Variants in A2ML1 observed in about 807,000 individuals in gnomAD.
The protein encoded by A2ML1 is alpha-2-macroglobulin-like protein 1.
In A2ML1, 161 loss-of-function variants were observed where a neutral mutation model predicts 181.9. The observed-to-expected ratio is 0.89, with a 90% confidence interval of 0.78 to 1.01. A2ML1 has a LOEUF of 1.01. Among genes scored for constraint, A2ML1 ranks in the 50% least tolerant of loss-of-function variants. The probability of loss-of-function intolerance (pLI) is 0.00; values close to 1 mark genes in which losing one functional copy is unlikely to be tolerated. For missense variants in A2ML1, 1,670 were observed against 1,768.1 expected, an observed-to-expected ratio of 0.94 and a Z score of 1.00; for synonymous variants, 663 against 666.8, an observed-to-expected ratio of 0.99 and a Z score of 0.09.
chr12:8,883,774 G>C (rs1235288560), intron 7 of A2ML1, among the ~76,000 whole-genome samples: 2 of 150,626 alleles, frequency 1.3e-5, no homozygotes, highest in African/African-American at 4.9e-5. Context: ...ACCATACCTG[G>C]CCTGTTTTTT....
In A2ML1 at chr12:8,863,973, C is replaced by T. The variant is rs1307025398; in HGVS notation, c.3682C>T (p.Gln1228Ter). The T allele has an allele frequency of 6.2e-6, 10 of 1,612,880 alleles. No homozygotes were observed. Among genetic ancestry groups the T allele is most frequent in the African/African-American group, 1.3e-5 (1 of 74,884 alleles). Residue 1228 changes from glutamine to a stop codon, truncating the protein, a stop_gained, in exon 29 of 36, where the codon CAA becomes TAA. Transcript: ENST00000299698. LOFTEE classifies it high-confidence loss of function. ...TAGCATAGTGGCTTGGTTGGCCAAG[C>T]AACACAATGCATATGGGGGCTTCTC... Reference protein sequence around the residue: ...ATSIVAWLAKQHNAYGGFSST... With the variant: ...ATSIVAWLAK
At chr12:8,833,709 G>GTTTGT (rs1943189357) in intron 4 of A2ML1, among the ~76,000 whole-genome samples, 2 of 152,142 alleles carry the variant, frequency 1.3e-5, no homozygotes, top group Middle Eastern at 3.4e-3. Context: ...AGAAGTGTTT[G>GTTTGT]TTTGTTTTGT....
At chr12:8,834,461 C>G (rs186899227) in intron 4 of A2ML1, among the ~76,000 whole-genome samples, 2 of 152,318 alleles carry the variant, frequency 1.3e-5, no homozygotes, top group African/African-American at 4.8e-5. Flanking sequence ...TCTTACCCTC[C>G]TCCTGCCTTG....
chr12:8,865,842 C>T (rs1380285707), intron 29 of A2ML1, among the ~76,000 whole-genome samples: 1 of 152,092 alleles, frequency 6.6e-6, no homozygotes, highest in Admixed American at 6.5e-5. Context: ...TAAATATCTA[C>T]CATGTCCAAA....
Position 8,839,188 on chromosome 12 carries a change from A to G in A2ML1, c.1046A>G (p.Asn349Ser), listed in dbSNP as rs771360439. ...TCAATGACCTTTGAAGACACCAGCA[A>G]TTTTTACCATCCAAATTTCCCCTTC... is the stretch of plus-strand genomic sequence containing the variant. ...MGSMTFEDTS[N>S]FYHPNFPFSG... The change falls in exon 10 of 36, where the codon AAT becomes AGT. Residue 349 changes from asparagine to serine, a missense_variant. Transcript: ENST00000299698. 1 of 1,613,662 alleles carries G rather than the reference A, an allele frequency of 6.2e-7. No homozygotes were observed. Among genetic ancestry groups the G allele is most frequent in the South Asian group, 1.1e-5 (1 of 91,064 alleles).
chr12:8,850,003 G>C (rs1277169161), intron 17 of A2ML1, among the ~76,000 whole-genome samples, 157 bp from the exon 18 acceptor site: 1 of 152,164 alleles, frequency 6.6e-6, no homozygotes, highest in Admixed American at 6.5e-5. Flanking sequence ...GATGGCCTTT[G>C]TGACTAGTTA....
chr12:8,848,181 A>G (rs1453120209), intron 15 of A2ML1, among the ~76,000 whole-genome samples: 1 of 151,562 alleles, frequency 6.6e-6, no homozygotes, highest in Non-Finnish European at 1.5e-5. Flanking sequence ...AGAGAAAGGC[A>G]TGGTTAGTAT....
At position 8,869,125 on chromosome 12, in the gene A2ML1, T is replaced by C; in HGVS notation, c.4153-10T>C. 1.9e-6 allele frequency: 3 copies of C among 1,613,998 alleles called. No individual in the cohort carries two copies. The highest frequency in any genetic ancestry group is 2.5e-6 in the Non-Finnish European group (3 of 1,179,938). On this transcript the variant is annotated splice_polypyrimidine_tract_variant and intron_variant, in intron 32 of 35. Transcript: ENST00000299698. ...TCTTAGTATCTTTTTTTTCTCCCTC[T>C]CTTATTCAGCTTCTCCAGCAACCCC...
rs759873488 is a variant in A2ML1, at chr12:8,868,022, T to C, written c.3898T>C (p.Leu1300=). 3.7e-6 allele frequency: 6 copies of C among 1,614,092 alleles called. No homozygotes were observed. Among genetic ancestry groups the C allele is most frequent in the Middle Eastern group, 1.6e-4 (1 of 6,084 alleles). ...GCCCAATGTCCCTGGAATGTACACG[T>C]TGGAGGCCTCAGGCCAGGGCTGTGT... The part of the protein sequence containing the change: ...TLPNVPGMYT[L]EASGQGCVYV... Residue 1300 remains leucine, a synonymous_variant, in exon 30 of 36, where the codon TTG becomes CTG. Transcript: ENST00000299698.
intron 3 of A2ML1, among the ~76,000 whole-genome samples, chr12:8,824,223 T>G (rs63399161): frequency 0.021 from 1,259 of 59,106 alleles, 24 homozygotes; most frequent in African/African-American, 0.08. Context: ...GCTACTGGGG[T>G]TTTTTTTTTT....
intron 3 of A2ML1, among the ~76,000 whole-genome samples, chr12:8,828,002 G>C (rs1217901823): frequency 2.0e-5 from 3 of 152,206 alleles, no homozygotes; most frequent in Admixed American, 1.3e-4. Context: ...AGAGAGGGGT[G>C]ACACAAGCAC....
intron 26 of A2ML1, among the ~76,000 whole-genome samples, chr12:8,860,464 T>C (rs1272743586): frequency 6.6e-6 from 1 of 152,136 alleles, no homozygotes; most frequent in Admixed American, 6.6e-5. Context: ...GCAGGGAAGG[T>C]CTCACCTAAT....
At chr12:8,824,374 G>T (rs1942859238) in intron 3 of A2ML1, among the ~76,000 whole-genome samples, 1 of 151,014 alleles carries the variant, frequency 6.6e-6, no homozygotes, top group African/African-American at 2.4e-5. Flanking sequence ...GTACATAGCT[G>T]GTGTATATAT....
Position 8,822,707 on chromosome 12 carries a change from A to G in A2ML1, c.56A>G (p.Glu19Gly). ...MLALSPAIAEELPNYLVTLPA... is the reference protein window; with the variant it reads ...MLALSPAIAEGLPNYLVTLPA... ...GCCCTATCACCAGCCATTGCAGAAG[A>G]ACTTCCGTGAGTGCTTGGTGTCAGA... Residue 19 changes from glutamate (E) to glycine (G), a missense_variant, in exon 1 of 36, where the codon GAA becomes GGA. Physicochemically the swap from Glu to Gly is moderately conservative, Grantham distance 98. Coordinates refer to ENST00000299698, the MANE Select transcript of A2ML1 (RefSeq NM_144670.6). The G allele has an allele frequency of 1.2e-6, 2 of 1,614,144 alleles. No individual in the cohort carries two copies. The highest frequency in any genetic ancestry group is 1.7e-6 in the Non-Finnish European group (2 of 1,179,968).
intron 7 of A2ML1, among the ~76,000 whole-genome samples, chr12:8,884,239 T>G (rs1303780118): frequency 3.6e-4 from 46 of 129,512 alleles, no homozygotes; most frequent in African/African-American, 1.1e-3. Context: ...TTGTTTTTTT[T>G]TGTTTTGTTT....
In A2ML1 at chr12:8,884,238, TTTG is replaced by T. The variant is rs1471483690; in HGVS notation, c.*95-2266_*95-2264del. 1.0e-3 allele frequency among the ~76,000 whole-genome samples: 151 copies of T among 143,964 alleles called. 1 individual carries two copies. Among genetic ancestry groups the T allele is most frequent in the Admixed American group, 4.8e-3 (70 of 14,556 alleles). 94.4% of individuals were successfully genotyped at this position (143,964 alleles called of 152,430 possible). A position where few individuals can be genotyped will look rare whatever the true frequency, so the allele number is the denominator to read the frequency against. On this transcript the variant is annotated intron_variant and NMD_transcript_variant, in intron 7 of 7. Coordinates refer to the A2ML1 transcript ENST00000537475. ...TTCTTTTTTTTATTTTTTGTTTTTT[TTTG>T]TTTTGTTTTTTTTTAACTATTTTCC... is the stretch of plus-strand genomic sequence containing the variant.
In A2ML1 at chr12:8,846,190, C is replaced by A. The variant is rs1408443838; in HGVS notation, c.1651C>A (p.Gln551Lys). The A allele has an allele frequency of 3.1e-6, 5 of 1,614,128 alleles. No homozygotes were observed. Among genetic ancestry groups the A allele is most frequent in the Non-Finnish European group, 4.2e-6 (5 of 1,180,004 alleles). Residue 551 changes from glutamine (Q) to lysine (K), a missense_variant, in exon 14 of 36, where the codon CAG becomes AAG. By Grantham distance (53) the Gln-to-Lys change is moderately conservative. Coordinates refer to ENST00000299698, the MANE Select transcript of A2ML1 (RefSeq NM_144670.6). The part of the protein sequence containing the change: ...PSGGVVADKI[Q>K]FSVEMCFDNQ... ...TGGAGGTGTTGTAGCTGACAAAATTCAGTTCTCAGTCGAGATGTGCTTTGA... is the reference window on the plus strand; with the variant it reads ...TGGAGGTGTTGTAGCTGACAAAATTAAGTTCTCAGTCGAGATGTGCTTTGA...
intron 7 of A2ML1, among the ~76,000 whole-genome samples, chr12:8,882,513 A>T (rs1317776028): frequency 2.6e-5 from 4 of 152,172 alleles, no homozygotes; most frequent in African/African-American, 9.7e-5. Context: ...ATCATATCTC[A>T]TCCAGACTGT....
At chr12:8,881,735 G>A (rs769992674), downstream of A2ML1, among the ~76,000 whole-genome samples, 1 of 152,180 alleles carries the variant, frequency 6.6e-6, no homozygotes, top group Admixed American at 6.5e-5. Flanking sequence ...TGAGTGGCTG[G>A]GTGTGGTGGC....
Sources: gnomAD v4.1 joint callset for allele counts (sites outside exome capture counted in the v4.1 genomes callset) on GRCh38, gnomAD v4.1.1 for gene constraint, MANE v1.5 for transcripts, NCBI Gene and HGNC (gene_info 2026-07-23, HGNC 2026-07-21) for gene names.